Variants in CTNNA2 observed in about 807,000 individuals in gnomAD.
The protein encoded by CTNNA2 is catenin alpha 2, also known as catenin alpha-2.
A neutral mutation model predicts 101.0 loss-of-function variants in CTNNA2; 42 were observed. That is an observed-to-expected ratio of 0.42 (90% CI 0.32 to 0.54). The LOEUF (loss-of-function observed/expected upper bound fraction) is 0.54, where lower values mean the gene tolerates loss of function less well. Among genes scored for constraint, CTNNA2 ranks in the 20% least tolerant of loss-of-function variants. CTNNA2 has a pLI of 0.14. For missense variants in CTNNA2, 871 were observed against 1,223.1 expected (o/e 0.71, Z 4.29); for synonymous variants, 450 against 456.4 (o/e 0.99, Z 0.18).
chr2:79,628,807 C>G (rs903574682), intron 1 of CTNNA2, among the ~76,000 whole-genome samples: 5 of 152,200 alleles, frequency 3.3e-5, no homozygotes, highest in African/African-American at 1.2e-4. Flanking sequence ...TTTTCACGAT[C>G]TGTGACTCTT....
chr2:79,735,410 G>C (rs1670803959), intron 2 of CTNNA2, among the ~76,000 whole-genome samples: 1 of 152,088 alleles, frequency 6.6e-6, no homozygotes, highest in South Asian at 2.1e-4. Flanking sequence ...GGATGATCCA[G>C]TTCCCAAATG....
intron 18 of CTNNA2, among the ~76,000 whole-genome samples, chr2:80,635,047 G>A (rs1344510796): frequency 6.6e-6 from 1 of 152,114 alleles, no homozygotes; most frequent in Non-Finnish European, 1.5e-5. Context: ...TGGTCTTTGT[G>A]AAGATAACTC....
At position 80,303,526 on chromosome 2, in the gene CTNNA2, G is replaced by A; in HGVS notation, c.1057-89685G>A. 2 of 1,614,260 alleles carry A rather than the reference G, an allele frequency of 1.2e-6. No homozygotes were observed. The highest frequency in any genetic ancestry group is 1.7e-6 in the Non-Finnish European group (2 of 1,180,058). Reference sequence around the variant, plus strand: ...CCCCCTGCACGGAGCAGATGTGATTGTGATCCAGATAGAGCCACGTGAGCT... The same window carrying A: ...CCCCCTGCACGGAGCAGATGTGATTATGATCCAGATAGAGCCACGTGAGCT... On this transcript the variant is annotated intron_variant, in intron 7 of 18. Coordinates refer to ENST00000402739, the MANE Select transcript of CTNNA2 (RefSeq NM_001282597.3). The surrounding 1 kb of genome is among the most constrained non-coding windows in gnomAD (Gnocchi z 7.7).
intron 7 of CTNNA2, among the ~76,000 whole-genome samples, chr2:80,038,603 C>G (rs1352389561): frequency 6.6e-6 from 1 of 152,042 alleles, no homozygotes; most frequent in East Asian, 1.9e-4. Flanking sequence ...CACCTGTAAT[C>G]CCAGCACTTT....
chr2:80,078,484 G>A (rs1698905789), intron 7 of CTNNA2, among the ~76,000 whole-genome samples: 1 of 152,214 alleles, frequency 6.6e-6, no homozygotes, highest in African/African-American at 2.4e-5. Flanking sequence ...CATGGGTCAT[G>A]TGATTAAGCA....
chr2:80,589,157 A>G, intron 14 of CTNNA2, 147 bp from the exon 15 acceptor site: 2 of 766,158 alleles, frequency 2.6e-6, no homozygotes, highest in Non-Finnish European at 2.1e-6. Context: ...GCCTCCCTGG[A>G]ATGGAGAAAG....
chr2:80,477,693 C>T lies in CTNNA2; in HGVS notation c.1290+58092C>T, dbSNP rs535996099. Among the ~76,000 whole-genome samples the T allele has an allele frequency of 1.4e-4, 21 of 150,988 alleles. No homozygotes were observed. In the South Asian group the frequency reaches 4.2e-3, roughly 30 times the overall value. On this transcript the variant is annotated intron_variant, in intron 9 of 18. Coordinates refer to ENST00000402739, the MANE Select transcript of CTNNA2 (RefSeq NM_001282597.3). Reference sequence around the variant, plus strand: ...TTTCTGCAAAAGACATTATTTTATTCTTTCTTATGGCTGAGTAGTATTCCA... The same window carrying T: ...TTTCTGCAAAAGACATTATTTTATTTTTTCTTATGGCTGAGTAGTATTCCA...
At chr2:79,312,929 C>G (rs1280108887) in intron 3 of CTNNA2, 1 of 152,154 alleles carries the variant, frequency 6.6e-6, no homozygotes, top group Non-Finnish European at 1.5e-5. Flanking sequence ...GGCTGCTTAA[C>G]GCCCCGTATA....
At chr2:79,926,157 C>T (rs922633471) in intron 7 of CTNNA2, among the ~76,000 whole-genome samples, 1 of 152,114 alleles carries the variant, frequency 6.6e-6, no homozygotes, top group African/African-American at 2.4e-5. Context: ...TCACGCCTAA[C>T]CTAAGTTTCT....
intron 9 of CTNNA2, among the ~76,000 whole-genome samples, chr2:80,528,951 A>G (rs145270182): frequency 6.6e-6 from 1 of 152,358 alleles, no homozygotes; most frequent in Non-Finnish European, 1.5e-5. Context: ...ATGTAAACAT[A>G]AATAAACAAG....
At chr2:80,441,114 G>T (rs1682526161) in intron 9 of CTNNA2, among the ~76,000 whole-genome samples, 1 of 152,182 alleles carries the variant, frequency 6.6e-6, no homozygotes, top group African/African-American at 2.4e-5. Flanking sequence ...AAGTTTACCT[G>T]GATAGAATTA....
chr2:79,576,944 A>G (rs1675837315), intron 1 of CTNNA2, among the ~76,000 whole-genome samples: 1 of 152,152 alleles, frequency 6.6e-6, no homozygotes, highest in Non-Finnish European at 1.5e-5. Context: ...TACTTAAGTT[A>G]GTGAAAATGT....
intron 3 of CTNNA2, among the ~76,000 whole-genome samples, chr2:79,764,235 A>T (rs1672986579): frequency 1.3e-5 from 2 of 152,200 alleles, no homozygotes; most frequent in Non-Finnish European, 2.9e-5. Flanking sequence ...CCTTGTATTT[A>T]ATAAGGACAT....
intron 6 of CTNNA2, among the ~76,000 whole-genome samples, chr2:79,880,584 G>T (rs1683353761): frequency 6.6e-6 from 1 of 152,076 alleles, no homozygotes; most frequent in Non-Finnish European, 1.5e-5. Context: ...ATTTCTTCTA[G>T]ATTTTCTAGT....
chr2:80,027,281 CT>C (rs1694988000), intron 7 of CTNNA2, among the ~76,000 whole-genome samples: 1 of 152,126 alleles, frequency 6.6e-6, no homozygotes, highest in African/African-American at 2.4e-5. Flanking sequence ...AAGGCCCGAG[CT>C]TGCTGTGTTC....
At chr2:80,308,538 T>C (rs1277400367) in intron 7 of CTNNA2, among the ~76,000 whole-genome samples, 2 of 152,076 alleles carry the variant, frequency 1.3e-5, no homozygotes, top group Non-Finnish European at 2.9e-5. Context: ...CAGCTGGCAT[T>C]TTACAGAATG....
At chr2:80,160,275 G>A (rs1323615758) in intron 7 of CTNNA2, among the ~76,000 whole-genome samples, 5 of 152,048 alleles carry the variant, frequency 3.3e-5, no homozygotes, top group Non-Finnish European at 7.4e-5. Context: ...ATTCGTTTCA[G>A]TATCCTAGTT....
chr2:80,029,969 G>A (rs1170276818), intron 7 of CTNNA2, among the ~76,000 whole-genome samples: 1 of 151,954 alleles, frequency 6.6e-6, no homozygotes, highest in African/African-American at 2.4e-5. Flanking sequence ...ACAATGGGAG[G>A]GGCATAAAAA....
At chr2:80,213,201 G>A (rs1236485917) in intron 7 of CTNNA2, among the ~76,000 whole-genome samples, 1 of 151,806 alleles carries the variant, frequency 6.6e-6, no homozygotes, top group African/African-American at 2.4e-5. Flanking sequence ...GGTTTTTTGT[G>A]TCTCTATCTC....
Sources: gnomAD v4.1 joint callset for allele counts (sites outside exome capture counted in the v4.1 genomes callset) on GRCh38, gnomAD v4.1.1 for gene constraint, Gnocchi (gnomAD v3.1) non-coding constraint, MANE v1.5 for transcripts, NCBI Gene and HGNC (gene_info 2026-07-23, HGNC 2026-07-21) for gene names.